The following SIN3B variants were observed in gnomAD, a reference collection of about 807,000 sequenced individuals.
The protein encoded by SIN3B is paired amphipathic helix protein Sin3b.
In SIN3B, 19 loss-of-function variants were observed where a neutral mutation model predicts 120.2. The observed-to-expected ratio is 0.16, with a 90% confidence interval of 0.11 to 0.23. SIN3B has a LOEUF of 0.23. Ranked by LOEUF, SIN3B falls within the 10% of genes least tolerant of loss-of-function variation. SIN3B has a pLI of 1.00. For missense variants in SIN3B, 1,073 were observed against 1,573.0 expected (o/e 0.68, Z 5.38); for synonymous variants, 654 against 653.2 (o/e 1.00, Z -0.02).
chr19:16,844,794 G>C (rs2144587121), intron 4 of SIN3B, among the ~76,000 whole-genome samples: 1 of 152,356 alleles, frequency 6.6e-6, no homozygotes, highest in East Asian at 1.9e-4. Flanking sequence ...CCTTGGAAGA[G>C]ACCTGAGGCT....
chr19:16,841,553 G>A (rs1025553585), intron 3 of SIN3B, among the ~76,000 whole-genome samples: 7 of 152,110 alleles, frequency 4.6e-5, no homozygotes, highest in African/African-American at 1.7e-4. Flanking sequence ...TGAGTAGATT[G>A]GTAAGGATCG....
intron 3 of SIN3B, among the ~76,000 whole-genome samples, chr19:16,834,955 T>A (rs1347310363): frequency 6.6e-6 from 1 of 150,720 alleles, no homozygotes; most frequent in Non-Finnish European, 1.5e-5. Flanking sequence ...AGTTTCAGAG[T>A]TTCGCTCTTT....
At chr19:16,858,939 G>A (rs1048870340) in intron 8 of SIN3B, among the ~76,000 whole-genome samples, 2 of 152,036 alleles carry the variant, frequency 1.3e-5, no homozygotes, top group African/African-American at 4.8e-5. Context: ...AACAGAGCAA[G>A]CTGTCTCAAA....
chr19:16,852,716 C>T (rs532425660), intron 6 of SIN3B, among the ~76,000 whole-genome samples: 31 of 152,274 alleles, frequency 2.0e-4, no homozygotes, highest in Non-Finnish European at 3.5e-4. Context: ...TCTTCCTGTC[C>T]GCTTCTTGTT....
At chr19:16,838,509 GCTTC>G (rs1971375997) in intron 3 of SIN3B, among the ~76,000 whole-genome samples, 3 of 152,144 alleles carry the variant, frequency 2.0e-5, no homozygotes, top group African/African-American at 7.2e-5. Flanking sequence ...CGGTATCAGT[GCTTC>G]CTTCCTTAAG....
chr19:16,852,530 AGTC>A (rs1971559195), intron 6 of SIN3B, among the ~76,000 whole-genome samples: 1 of 152,220 alleles, frequency 6.6e-6, no homozygotes, highest in South Asian at 2.1e-4. Flanking sequence ...TACAGGCGTG[AGTC>A]CCTGCACCCA....
intron 10 of SIN3B, chr19:16,865,021 C>CG (rs1442138093): frequency 1.9e-5 from 3 of 158,034 alleles, no homozygotes; most frequent in African/African-American, 7.2e-5. Context: ...TTAGTAGAGA[C>CG]GGGGTTTCAC....
At chr19:16,854,399 ATTATTGATTCCC>A in intron 8 of SIN3B, 138 bp downstream of exon 8, 1 of 618,224 alleles carries the variant, frequency 1.6e-6, no homozygotes, top group Non-Finnish European at 2.8e-6. Context: ...GATTGATATA[ATTATTGATTCCC>A]ATGCATTTGT....
At chr19:16,837,963 G>A (rs1268564228) in intron 3 of SIN3B, among the ~76,000 whole-genome samples, 1 of 152,092 alleles carries the variant, frequency 6.6e-6, no homozygotes, top group Non-Finnish European at 1.5e-5. Context: ...TGCTCAGATG[G>A]ACGTGTCGGC....
Position 16,878,801 on chromosome 19 carries a change from G to GT in SIN3B, c.*78dup. Reference sequence around the variant, plus strand: ...CCTCGGCCTTGGTCGTGTCGGGGCCGTTTTCTTGAACGACGTGAGAGGCAT... The same window carrying GT: ...CCTCGGCCTTGGTCGTGTCGGGGCCGTTTTTCTTGAACGACGTGAGAGGCAT... On this transcript the variant is annotated 3_prime_UTR_variant, in exon 19 of 19. Transcript: ENST00000248054. 1 of 1,342,902 alleles carries GT rather than the reference G, an allele frequency of 7.4e-7. No individual in the cohort carries two copies. The highest frequency in any genetic ancestry group is 1.4e-5 in the African/African-American group (1 of 69,020). The allele number at this position is 1,342,902 out of a possible 1,614,324, so 83.2% of individuals were successfully genotyped here. A position where few individuals can be genotyped will look rare whatever the true frequency, so the allele number is the denominator to read the frequency against.
At chr19:16,851,278 G>A in intron 5 of SIN3B, 134 bp from the exon 6 acceptor site, 5 of 992,556 alleles carry the variant, frequency 5.0e-6, no homozygotes, top group East Asian at 2.9e-5. Context: ...ACGCATGGAC[G>A]GAGCATCTGG....
chr19:16,878,483 G>A lies in SIN3B; in HGVS notation c.3163-14G>A, dbSNP rs779529391. 19 of 1,562,786 alleles carry A rather than the reference G, an allele frequency of 1.2e-5. No individual in the cohort carries two copies. Among genetic ancestry groups the A allele is most frequent in the African/African-American group, 5.4e-5 (4 of 73,708 alleles). On this transcript the variant is annotated splice_polypyrimidine_tract_variant and intron_variant, in intron 18 of 18. Transcript: ENST00000248054. ...CCAGCCCTCAGCTGCCCTGACACCC[G>A]GCCTCTTCAACAGGTGCAGCCCCTG...
rs556557403 is a variant in SIN3B, at chr19:16,875,061, G to T, written c.2593-994G>T. On this transcript the variant is annotated intron_variant, in intron 14 of 18. Coordinates refer to ENST00000248054, the MANE Select transcript of SIN3B (RefSeq NM_001297595.2). ...TCTGGTCTGGTTTTGGTCTGGTTTG[G>T]TTTGGTTTTGGTTTGGTCTGGTCTG... Among the ~76,000 whole-genome samples, 8 of 151,096 alleles carry T rather than the reference G, an allele frequency of 5.3e-5. No homozygotes were observed. The East Asian group carries it at 1.6e-3, about 30-fold the overall frequency.
At chr19:16,869,098 G>A (rs529119715) in intron 12 of SIN3B, among the ~76,000 whole-genome samples, 2 of 152,246 alleles carry the variant, frequency 1.3e-5, no homozygotes, top group South Asian at 2.1e-4. Flanking sequence ...GCTGAGCCAC[G>A]GGGCCCCGTT....
intron 4 of SIN3B, among the ~76,000 whole-genome samples, chr19:16,843,812 C>T (rs907568884): frequency 6.6e-6 from 1 of 152,026 alleles, no homozygotes; most frequent in Non-Finnish European, 1.5e-5. Context: ...GCAGGATTCC[C>T]ATTCATCAGG....
intron 1 of SIN3B, 61 bp from the exon 2 acceptor site, chr19:16,829,730 C>G (rs1352309760): frequency 1.4e-6 from 2 of 1,475,646 alleles, no homozygotes; most frequent in African/African-American, 1.4e-5. Flanking sequence ...CTCAGGGACC[C>G]CGGCCCCTCG....
chr19:16,850,846 A>T (rs1009276463), intron 5 of SIN3B, among the ~76,000 whole-genome samples: 4 of 152,172 alleles, frequency 2.6e-5, no homozygotes, highest in African/African-American at 9.7e-5. Context: ...CTGTTAGCCG[A>T]TGGCTGGAGC....
At chr19:16,875,794 C>CTGTT (rs2051594312) in intron 14 of SIN3B, 1 of 508,558 alleles carries the variant, frequency 2.0e-6, no homozygotes, top group Non-Finnish European at 3.5e-6. Flanking sequence ...CTGGTCTGGT[C>CTGTT]TGGTCTGGTC....
intron 8 of SIN3B, among the ~76,000 whole-genome samples, chr19:16,859,398 G>A (rs1386364506): frequency 1.3e-5 from 2 of 152,040 alleles, no homozygotes; most frequent in African/African-American, 2.4e-5. Context: ...TCATTTTTAA[G>A]CAACTGCACC....
Sources: allele counts gnomAD v4.1 joint callset (sites outside exome capture counted in the v4.1 genomes callset), GRCh38; gene constraint gnomAD v4.1.1; transcripts MANE v1.5; gene names NCBI Gene and HGNC (gene_info 2026-07-23, HGNC 2026-07-21).